Variants in TENM4 observed in about 807,000 individuals in gnomAD.
TENM4 encodes the protein teneurin transmembrane protein 4, also known as teneurin-4.
Under a neutral mutation model 243.3 loss-of-function variants are expected in TENM4, and 82 were observed. The observed-to-expected ratio is 0.34, with a 90% confidence interval of 0.28 to 0.40. TENM4 has a LOEUF of 0.40. Among genes scored for constraint, TENM4 ranks in the 10% least tolerant of loss-of-function variants. The pLI is 1.00. For missense variants in TENM4, 3,138 were observed against 3,673.3 expected, an observed-to-expected ratio of 0.85 and a Z score of 3.77; for synonymous variants, 1,412 against 1,456.3, an observed-to-expected ratio of 0.97 and a Z score of 0.69.
At chr11:78,732,190 C>T (rs1790557) in intron 21 of TENM4, 126 bp downstream of exon 21, 936,383 of 1,330,486 alleles carry the variant, frequency 0.7, 336,772 homozygotes, top group Non-Finnish European at 0.75. Context: ...TTTTGCATAA[C>T]AGGCTGATGG....
chr11:79,398,674 C>G (rs936520220), intron 1 of TENM4, among the ~76,000 whole-genome samples: 24 of 140,838 alleles, frequency 1.7e-4, no homozygotes, highest in African/African-American at 6.4e-4. Context: ...AGAATATATT[C>G]AACTGTATTC....
At chr11:79,197,917 C>G (rs1863662871) in intron 3 of TENM4, among the ~76,000 whole-genome samples, 1 of 152,092 alleles carries the variant, frequency 6.6e-6, no homozygotes, top group African/African-American at 2.4e-5. Flanking sequence ...CAAACACCTG[C>G]AGGCCGTGCA....
intron 9 of TENM4, 99 bp from the exon 10 acceptor site, chr11:78,863,231 C>G: frequency 7.6e-7 from 1 of 1,310,220 alleles, no homozygotes. Context: ...GGAACACAGG[C>G]ATTCAGTTCA....
chr11:79,316,292 C>G (rs1256752844), intron 1 of TENM4, among the ~76,000 whole-genome samples: 2 of 152,116 alleles, frequency 1.3e-5, no homozygotes, highest in African/African-American at 2.4e-5. Context: ...AATGTATTCA[C>G]TGAGAGAACA....
In TENM4 at chr11:79,079,890, G is replaced by A. The variant is rs1860624835; in HGVS notation, c.-65-9881C>T. ...GTTCGGATTGAAAACAACATCAAAG[G>A]TCAGCTGATTCAAGCCCCATCAGGT... On this transcript the variant is annotated intron_variant, in intron 4 of 33. Coordinates refer to ENST00000278550, the MANE Select transcript of TENM4 (RefSeq NM_001098816.3). 4.6e-5 allele frequency among the ~76,000 whole-genome samples: 7 copies of A among 151,202 alleles called. No individual in the cohort carries two copies. The South Asian group carries it at 1.5e-3, about 32-fold the overall frequency.
intron 6 of TENM4, among the ~76,000 whole-genome samples, chr11:79,057,101 C>T (rs1859963496): frequency 6.6e-6 from 1 of 152,218 alleles, no homozygotes; most frequent in Non-Finnish European, 1.5e-5. Flanking sequence ...CTGACCTGAG[C>T]ACCTGTTGTC....
At chr11:79,093,889 T>C (rs1861017238) in intron 4 of TENM4, 1 of 152,240 alleles carries the variant, frequency 6.6e-6, no homozygotes, top group Non-Finnish European at 1.5e-5. Flanking sequence ...ATCCCATCTT[T>C]ACGGTTTAGG....
intron 2 of TENM4, among the ~76,000 whole-genome samples, chr11:79,228,244 C>T (rs889626650): frequency 2.6e-5 from 4 of 152,184 alleles, no homozygotes; most frequent in African/African-American, 4.8e-5. Context: ...AGGTCAGCTT[C>T]CCACTGTCAG....
chr11:79,329,203 G>A (rs528345), intron 1 of TENM4, among the ~76,000 whole-genome samples: 126,782 of 152,216 alleles, frequency 0.83, 53,441 homozygotes, highest in African/African-American at 0.94. Flanking sequence ...TTTCTGTTCC[G>A]TCGTCTCCAG....
chr11:79,142,844 C>A (rs1420882187), intron 4 of TENM4, among the ~76,000 whole-genome samples: 2 of 151,980 alleles, frequency 1.3e-5, no homozygotes, highest in Admixed American at 1.3e-4. Flanking sequence ...CTACAGTGAA[C>A]TCATTTACAA....
intron 12 of TENM4, among the ~76,000 whole-genome samples, chr11:78,849,718 C>T (rs537850839): frequency 1.3e-5 from 2 of 152,292 alleles, no homozygotes; most frequent in Non-Finnish European, 2.9e-5. Context: ...GACGCAAATT[C>T]ATGTCCTAAC....
chr11:79,228,354 C>T (rs1400211281), intron 2 of TENM4, among the ~76,000 whole-genome samples: 1 of 152,142 alleles, frequency 6.6e-6, no homozygotes, highest in Non-Finnish European at 1.5e-5. Context: ...CCCAAGTGTC[C>T]CAGACCAATG....
intron 6 of TENM4, among the ~76,000 whole-genome samples, chr11:78,956,313 G>A (rs575976170): frequency 1.3e-3 from 196 of 152,266 alleles, no homozygotes; most frequent in African/African-American, 4.6e-3. Flanking sequence ...ACAGAAGACA[G>A]TGGGGCATCA....
At chr11:78,684,513 TTCTC>T (rs946761773) in intron 29 of TENM4, among the ~76,000 whole-genome samples, 2 of 151,788 alleles carry the variant, frequency 1.3e-5, no homozygotes, top group Admixed American at 6.6e-5. Flanking sequence ...ACCATCCCAT[TTCTC>T]TCTCTCTCAC....
At position 78,856,193 on chromosome 11, in the gene TENM4, G is replaced by A. The variant is rs537672865; in HGVS notation, c.1256-15C>T. 4 of 1,548,922 alleles carry A rather than the reference G, an allele frequency of 2.6e-6. No individual in the cohort carries two copies. The African/African-American group carries it at 5.5e-5, about 21-fold the overall frequency. ...ACTGGGCTTTCCTACCAAGATAGAGGGAAGGGAAGACAAAGACATCTCGGT... is the reference window on the plus strand; with the variant it reads ...ACTGGGCTTTCCTACCAAGATAGAGAGAAGGGAAGACAAAGACATCTCGGT... On this transcript the variant is annotated splice_polypyrimidine_tract_variant and intron_variant, in intron 10 of 33. Coordinates refer to ENST00000278550, the MANE Select transcript of TENM4 (RefSeq NM_001098816.3).
chr11:78,807,096 C>T (rs1170293605), intron 14 of TENM4, among the ~76,000 whole-genome samples: 5 of 152,178 alleles, frequency 3.3e-5, no homozygotes, highest in African/African-American at 7.2e-5. Context: ...TCCATTCATA[C>T]ATCAACTGAA....
intron 6 of TENM4, among the ~76,000 whole-genome samples, chr11:78,934,997 C>CCT (rs1191791018): frequency 1.2e-5 from 1 of 81,116 alleles, no homozygotes; most frequent in Non-Finnish European, 2.1e-5. Flanking sequence ...AAGTATGCAA[C>CCT]TTTTTTTTTT....
Position 78,847,797 on chromosome 11 carries a change from AC to A in TENM4, c.1681+6306del, listed in dbSNP as rs771277534. 7.7e-4 allele frequency among the ~76,000 whole-genome samples: 117 copies of A among 152,290 alleles called. 1 individual carries two copies. Among genetic ancestry groups the A allele is most frequent in the Non-Finnish European group, 1.5e-3 (103 of 68,030 alleles). ...GAGGTAGAGAAGGGGCTTATTAAAA[AC>A]CAAAAATCACTCCTCAATCATTTTT... is the stretch of plus-strand genomic sequence containing the variant. On this transcript the variant is annotated intron_variant, in intron 12 of 33. Coordinates refer to ENST00000278550, the MANE Select transcript of TENM4 (RefSeq NM_001098816.3).
intron 3 of TENM4, among the ~76,000 whole-genome samples, chr11:79,214,373 T>C (rs760336842): frequency 3.9e-5 from 6 of 152,228 alleles, no homozygotes; most frequent in Non-Finnish European, 7.3e-5. Flanking sequence ...TTTGTAGTTA[T>C]ATACTTGTCA....
Sources: gnomAD v4.1 joint callset for allele counts (sites outside exome capture counted in the v4.1 genomes callset) on GRCh38, gnomAD v4.1.1 for gene constraint, MANE v1.5 for transcripts, NCBI Gene and HGNC (gene_info 2026-07-23, HGNC 2026-07-21) for gene names.